The following CCZ1 variants were observed in gnomAD, a reference collection of about 807,000 sequenced individuals.
CCZ1 encodes the protein vacuolar fusion protein CCZ1 homolog.
CCZ1 carries 19 observed loss-of-function variants against 57.8 expected under a neutral mutation model. The observed-to-expected ratio is 0.33, with a 90% CI of 0.23 to 0.48. CCZ1 has a LOEUF of 0.48. Among genes scored for constraint, CCZ1 ranks in the 20% least tolerant of loss-of-function variants. The pLI is 0.99. For synonymous variants in CCZ1, 81 were observed against 167.0 expected, an observed-to-expected ratio of 0.49 and a Z score of 3.97; for missense variants, 200 against 492.0, an observed-to-expected ratio of 0.41 and a Z score of 5.61.
chr7:5,914,736 C>G (rs2528336), intron 10 of CCZ1, among the ~76,000 whole-genome samples: 1 of 148,338 alleles, frequency 6.7e-6, no homozygotes, highest in Non-Finnish European at 1.5e-5. Flanking sequence ...ATCAGCCAGG[C>G]GAGGTGGCAC....
At chr7:5,906,290 G>A (rs1285104308) in intron 7 of CCZ1, among the ~76,000 whole-genome samples, 1 of 142,020 alleles carries the variant, frequency 7.0e-6, no homozygotes, top group African/African-American at 2.6e-5. Flanking sequence ...CAAGTTTTAT[G>A]TTCCCGTTGA....
intron 12 of CCZ1, among the ~76,000 whole-genome samples, chr7:5,922,965 C>T (rs1422454328): frequency 2.0e-5 from 3 of 149,376 alleles, no homozygotes; most frequent in South Asian, 4.1e-4. Context: ...GGTGGGAAAG[C>T]AGACAGACAA....
intron 8 of CCZ1, among the ~76,000 whole-genome samples, chr7:5,910,444 G>A (rs1209449513): frequency 1.3e-5 from 2 of 148,690 alleles, no homozygotes; most frequent in East Asian, 2.2e-4. Flanking sequence ...TCCTTGCCTC[G>A]GCCTCCCAAG....
intron 1 of CCZ1, 79 bp downstream of exon 1, chr7:5,898,998 AGGG>A (rs1781613004): frequency 3.3e-6 from 1 of 303,230 alleles, no homozygotes; most frequent in Admixed American, 7.7e-5. Flanking sequence ...GCCCACCTCG[AGGG>A]GCACTGACCT....
chr7:5,902,870 G>A, intron 6 of CCZ1, 126 bp downstream of exon 6: 1 of 1,232,508 alleles, frequency 8.1e-7, no homozygotes. Context: ...AAGAGCCTGA[G>A]ACAGACCGTC....
intron 6 of CCZ1, among the ~76,000 whole-genome samples, chr7:5,903,254 G>T (rs1781725256): frequency 6.9e-6 from 1 of 145,252 alleles, no homozygotes; most frequent in Non-Finnish European, 1.5e-5. Flanking sequence ...ATTGAATTTT[G>T]CATGTTTCAC....
chr7:5,908,366 A>G lies in CCZ1; in HGVS notation c.699-1669A>G, dbSNP rs577808181. ...ATATATTACCCTTATGTATTTACTT[A>G]GTATATTGCTTTGATTTTTTTTTTT... On this transcript the variant is annotated intron_variant, in intron 7 of 14. Transcript: ENST00000325974. Among the ~76,000 whole-genome samples, 109 of 118,728 alleles carry G rather than the reference A, an allele frequency of 9.2e-4. 7 individuals are homozygous for G. The highest frequency in any genetic ancestry group is 3.4e-3 in the African/African-American group (107 of 31,686). 77.9% of individuals were successfully genotyped at this position (118,728 alleles called of 152,430 possible). A position where few individuals can be genotyped will look rare whatever the true frequency, so the allele number is the denominator to read the frequency against.
intron 10 of CCZ1, among the ~76,000 whole-genome samples, chr7:5,915,332 T>A (rs1779127592): frequency 6.8e-6 from 1 of 147,308 alleles, no homozygotes; most frequent in South Asian, 2.2e-4. Context: ...AATGTCCGTT[T>A]GTGTATCGAG....
rs183193881 is a variant in CCZ1 at position 5,903,773 on chromosome 7, C to A, written c.522+1029C>A. On this transcript the variant is annotated intron_variant, in intron 6 of 14. Transcript: ENST00000325974. ...CTTTGGGAGGCCGATGCGGGCAGAT[C>A]TTGAGGTCATGAGTTCGAGACCAGC... is the stretch of plus-strand genomic sequence containing the variant. Among the ~76,000 whole-genome samples the A allele has an allele frequency of 5.1e-3, 745 of 147,458 alleles. 50 individuals carry two copies. The highest frequency in any genetic ancestry group is 0.018 in the African/African-American group (707 of 39,044).
chr7:5,915,204 G>C (rs1465638748), intron 10 of CCZ1, among the ~76,000 whole-genome samples: 1 of 149,486 alleles, frequency 6.7e-6, no homozygotes, highest in East Asian at 2.0e-4. Context: ...TTAAAGTTGG[G>C]CTGTGACAGA....
At chr7:5,899,814 T>G (rs936948104) in intron 1 of CCZ1, among the ~76,000 whole-genome samples, 13 of 151,890 alleles carry the variant, frequency 8.6e-5, no homozygotes, top group Non-Finnish European at 1.8e-4. Flanking sequence ...GGGAACTGAC[T>G]GGATTTAATT....
rs559762336 is a variant in CCZ1, at chr7:5,916,600, C to T, written c.955-2267C>T. On this transcript the variant is annotated intron_variant, in intron 10 of 14. Coordinates refer to ENST00000325974, the MANE Select transcript of CCZ1 (RefSeq NM_015622.6). ...CTCCCGTTGGGGTCATGTGGACAGC[C>T]CAGTGAGTGTTTCCCCATCGAGGAT... Among the ~76,000 whole-genome samples, 38 of 145,708 alleles carry T rather than the reference C, an allele frequency of 2.6e-4. 1 individual carries two copies. Among genetic ancestry groups the T allele is most frequent in the Non-Finnish European group, 5.4e-4 (36 of 67,046 alleles).
At chr7:5,900,588 C>G (rs1287206771) in intron 3 of CCZ1, 22 bp downstream of exon 3, 3 of 1,594,008 alleles carry the variant, frequency 1.9e-6, no homozygotes, top group South Asian at 2.3e-5. Context: ...CACAGTGTAT[C>G]TTTCTGAAAT....
intron 10 of CCZ1, among the ~76,000 whole-genome samples, chr7:5,916,493 GTTTTGTTTTT>G (rs1475061788): frequency 3.2e-5 from 1 of 31,158 alleles, no homozygotes; most frequent in South Asian, 1.1e-3. Flanking sequence ...TTGGGTTTTT[GTTTTGTTTTT>G]TGTTTTTTTT....
intron 14 of CCZ1, among the ~76,000 whole-genome samples, chr7:5,924,433 T>G (rs1292973626): frequency 3.3e-5 from 3 of 91,114 alleles, no homozygotes; most frequent in African/African-American, 8.3e-5. Flanking sequence ...TGAAACAGAG[T>G]CTTGCTCTGT....
At position 5,907,387 on chromosome 7, in the gene CCZ1, A is replaced by G. The variant is rs569720995; in HGVS notation, c.698+2118A>G. ...GTGCTTGCAAGTCACACGCAGCCAC[A>G]GCGATAGGGAGATGTCATGTGACAA... On this transcript the variant is annotated intron_variant, in intron 7 of 14. Coordinates refer to ENST00000325974, the MANE Select transcript of CCZ1 (RefSeq NM_015622.6). Among the ~76,000 whole-genome samples the G allele has an allele frequency of 3.5e-4, 52 of 149,068 alleles. 7 individuals are homozygous for G. Among genetic ancestry groups the G allele is most frequent in the African/African-American group, 1.1e-3 (43 of 40,370 alleles).
Position 5,910,705 on chromosome 7 carries a change from A to ATTTTATTTT in CCZ1, c.780+597_780+598insTTTTTATTT, listed in dbSNP as rs1348839710. Among the ~76,000 whole-genome samples the ATTTTATTTT allele has an allele frequency of 4.4e-3, 186 of 42,658 alleles. 11 individuals are homozygous for ATTTTATTTT. Among genetic ancestry groups the ATTTTATTTT allele is most frequent in the African/African-American group, 0.011 (103 of 9,140 alleles). 28.0% of individuals were successfully genotyped at this position (42,658 alleles called of 152,430 possible). ...ACTTTACTTTTAATTTATGTATTTTATTTTATTTATTTATTTATTTATTTA... is the reference window on the plus strand; with the variant it reads ...ACTTTACTTTTAATTTATGTATTTTATTTTATTTTTTTTATTTATTTATTTATTTATTTA... On this transcript the variant is annotated intron_variant, in intron 8 of 14. Transcript: ENST00000325974.
At position 5,912,519 on chromosome 7, in the gene CCZ1, C is replaced by T. The variant is rs528718017; in HGVS notation, c.843-324C>T. Among the ~76,000 whole-genome samples, 7 of 144,610 alleles carry T rather than the reference C, an allele frequency of 4.8e-5. No homozygotes were observed. In the South Asian group the frequency reaches 1.7e-3, roughly 34 times the overall value. The allele number at this position is 144,610 out of a possible 152,430, so 94.9% of individuals were successfully genotyped here. On this transcript the variant is annotated intron_variant, in intron 9 of 14. Transcript: ENST00000325974. ...GGTTCAAGCAATTCCCCTGCCTCAG[C>T]CTCTTGAGTAGCTGGGATTGCAGGT...
rs570756403 is a variant in CCZ1, at chr7:5,904,763, G to A, written c.523-331G>A. On this transcript the variant is annotated intron_variant, in intron 6 of 14. Coordinates refer to ENST00000325974, the MANE Select transcript of CCZ1 (RefSeq NM_015622.6). The stretch of plus-strand genomic sequence containing the variant: ...GGAGAATGGTGTGAACCTGGAAGGC[G>A]GAGCTTGCAGTGAGCTGAGATCGCA... Among the ~76,000 whole-genome samples, 82 of 147,820 alleles carry A rather than the reference G, an allele frequency of 5.5e-4. 7 individuals carry two copies. Among genetic ancestry groups the A allele is most frequent in the African/African-American group, 1.8e-3 (72 of 39,252 alleles).
Sources: gnomAD v4.1 joint callset for allele counts (sites outside exome capture counted in the v4.1 genomes callset) on GRCh38, gnomAD v4.1.1 for gene constraint, MANE v1.5 for transcripts, NCBI Gene and HGNC (gene_info 2026-07-23, HGNC 2026-07-21) for gene names.